CFAP20DC: variants seen among roughly 807,000 people sequenced by gnomAD.
CFAP20DC encodes CFAP20 domain containing.
In CFAP20DC, 84 loss-of-function variants were observed where a neutral mutation model predicts 101.7. The observed-to-expected ratio is 0.83, with a 90% CI of 0.69 to 0.99. The LOEUF (loss-of-function observed/expected upper bound fraction) is 0.99, where lower values mean the gene tolerates loss of function less well. Among genes scored for constraint, CFAP20DC ranks in the 50% least tolerant of loss-of-function variants. The pLI is 0.00. For missense variants in CFAP20DC, 1,007 were observed against 970.3 expected (o/e 1.04, Z -0.50); for synonymous variants, 359 against 351.2 (o/e 1.02, Z -0.25).
chr3:58,936,227 C>T (rs2087581902), intron 5 of CFAP20DC, among the ~76,000 whole-genome samples: 2 of 151,930 alleles, frequency 1.3e-5, no homozygotes, highest in African/African-American at 4.8e-5. Flanking sequence ...CAATGAGATA[C>T]CATCTCACAC....
At chr3:58,968,080 A>C (rs2091702659) in intron 4 of CFAP20DC, among the ~76,000 whole-genome samples, 1 of 152,210 alleles carries the variant, frequency 6.6e-6, no homozygotes, top group Non-Finnish European at 1.5e-5. Context: ...CATGTAGTAT[A>C]TGTACCACAT....
At chr3:58,785,566 G>A (rs556877013) in intron 15 of CFAP20DC, among the ~76,000 whole-genome samples, 1 of 151,884 alleles carries the variant, frequency 6.6e-6, no homozygotes, top group South Asian at 2.1e-4. Context: ...ATTATGTATC[G>A]GTTTAAAACA....
chr3:58,787,260 A>T (rs981584471), intron 15 of CFAP20DC, among the ~76,000 whole-genome samples: 2 of 145,452 alleles, frequency 1.4e-5, no homozygotes, highest in African/African-American at 5.1e-5. Context: ...AACACTGCAT[A>T]TTCTCACTCA....
At chr3:58,921,130 T>G (rs1210230221) in intron 5 of CFAP20DC, among the ~76,000 whole-genome samples, 1 of 152,110 alleles carries the variant, frequency 6.6e-6, no homozygotes, top group Admixed American at 6.6e-5. Context: ...ATTGGCAATG[T>G]GTATGTTCTT....
intron 4 of CFAP20DC, among the ~76,000 whole-genome samples, chr3:58,986,639 A>G (rs951833370): frequency 8.5e-5 from 13 of 152,186 alleles, no homozygotes; most frequent in African/African-American, 2.9e-4. Context: ...AACCATGTAC[A>G]TGACCTGAGT....
At chr3:58,932,685 T>G (rs1013205704) in intron 5 of CFAP20DC, among the ~76,000 whole-genome samples, 1 of 152,100 alleles carries the variant, frequency 6.6e-6, no homozygotes. Flanking sequence ...GCTTCATAAG[T>G]GAAGGAGAAA....
At chr3:59,027,186 C>T (rs1373041768) in intron 4 of CFAP20DC, among the ~76,000 whole-genome samples, 1 of 152,146 alleles carries the variant, frequency 6.6e-6, no homozygotes, top group South Asian at 2.1e-4. Context: ...CATTCAGATA[C>T]AATTTCAAAT....
chr3:58,820,516 C>T (rs564605460), intron 14 of CFAP20DC, among the ~76,000 whole-genome samples: 2 of 150,328 alleles, frequency 1.3e-5, no homozygotes, highest in African/African-American at 4.9e-5. Context: ...AACAGAGAGC[C>T]AAATCATGAG....
chr3:58,746,075 CTGTT>C (rs1331589696), intron 16 of CFAP20DC, among the ~76,000 whole-genome samples: 4 of 152,154 alleles, frequency 2.6e-5, no homozygotes, highest in African/African-American at 9.7e-5. Flanking sequence ...AAAACTCAAT[CTGTT>C]TGATTTTTTT....
chr3:58,968,647 A>G (rs899875790), intron 4 of CFAP20DC, among the ~76,000 whole-genome samples: 4 of 152,092 alleles, frequency 2.6e-5, no homozygotes, highest in African/African-American at 9.7e-5. Flanking sequence ...ATTTTCTCCC[A>G]TTCTGTAGGT....
At chr3:58,831,649 T>G in intron 14 of CFAP20DC, 37 bp downstream of exon 14, 1 of 1,588,614 alleles carries the variant, frequency 6.3e-7, no homozygotes, top group Non-Finnish European at 8.6e-7. Context: ...TGCTCCTTGT[T>G]AAGCAATGAG....
At chr3:58,995,013 C>T (rs894030264) in intron 4 of CFAP20DC, among the ~76,000 whole-genome samples, 1 of 152,108 alleles carries the variant, frequency 6.6e-6, no homozygotes, top group Non-Finnish European at 1.5e-5. Context: ...CTAGGATATC[C>T]ATTTTCTTTT....
chr3:58,815,195 A>T lies in CFAP20DC; in HGVS notation c.2176-8739T>A, dbSNP rs531422852. On this transcript the variant is annotated intron_variant, in intron 14 of 16. Transcript: ENST00000482387. ...ATGGAACAGAACACAGCCCTCAGAA[A>T]TAACGCTGCATATCTACAACTATCT... Among the ~76,000 whole-genome samples the T allele has an allele frequency of 5.3e-5, 8 of 151,864 alleles. No homozygotes were observed. In the East Asian group the frequency reaches 1.4e-3, roughly 26 times the overall value.
intron 15 of CFAP20DC, among the ~76,000 whole-genome samples, chr3:58,794,538 T>C (rs759167122): frequency 3.3e-5 from 5 of 152,230 alleles, no homozygotes; most frequent in African/African-American, 4.8e-5. Flanking sequence ...TGGTAAACAA[T>C]GCATTGCTAG....
intron 3 of CFAP20DC, 24 bp downstream of exon 3, chr3:59,046,205 T>A (rs1179219458): frequency 6.2e-6 from 9 of 1,456,846 alleles, no homozygotes; most frequent in Admixed American, 4.0e-5. Flanking sequence ...AATGTTAAGT[T>A]TCAATATTAA....
At chr3:58,855,429 C>T (rs199775450) in intron 12 of CFAP20DC, among the ~76,000 whole-genome samples, 8,419 of 152,094 alleles carry the variant, frequency 0.055, 491 homozygotes, top group East Asian at 0.34. Flanking sequence ...GTCAGTGTGG[C>T]GATTCCTCAG....
chr3:59,048,117 G>A (rs1700012127), intron 1 of CFAP20DC, among the ~76,000 whole-genome samples: 1 of 152,274 alleles, frequency 6.6e-6, no homozygotes, highest in East Asian at 1.9e-4. Context: ...ATGTCCATAA[G>A]CTTTAATTAT....
In CFAP20DC at chr3:59,049,699, C is replaced by A. The variant is rs77297879; in HGVS notation, c.-68G>T. The A allele has an allele frequency of 0.053, 79,883 of 1,520,234 alleles. 2,508 individuals are homozygous for A. Among genetic ancestry groups the A allele is most frequent in the Non-Finnish European group, 0.061 (69,407 of 1,137,392 alleles). The allele number at this position is 1,520,234 out of a possible 1,614,324, so 94.2% of individuals were successfully genotyped here. A position where few individuals can be genotyped will look rare whatever the true frequency, so the allele number is the denominator to read the frequency against. ...TTTCCAGCGAGTGGCGTGACCCTGA[C>A]GGCTGGAAATCGGCTGGCGGGAACC... On this transcript the variant is annotated 5_prime_UTR_variant, in exon 1 of 17. Transcript: ENST00000482387.
chr3:58,870,453 C>G, intron 7 of CFAP20DC, 144 bp from the exon 8 acceptor site: 2 of 710,736 alleles, frequency 2.8e-6, no homozygotes, highest in Non-Finnish European at 4.8e-6. Flanking sequence ...AACACAGATA[C>G]TAGGGCCCAA....
Sources: allele counts gnomAD v4.1 joint callset (sites outside exome capture counted in the v4.1 genomes callset), GRCh38; gene constraint gnomAD v4.1.1; transcripts MANE v1.5; gene names NCBI Gene and HGNC (gene_info 2026-07-23, HGNC 2026-07-21).